Variants in CYFIP1 observed in about 807,000 individuals in gnomAD.
The protein encoded by CYFIP1 is cytoplasmic FMR1 interacting protein 1, also known as cytoplasmic FMR1-interacting protein 1.
A neutral mutation model predicts 163.5 loss-of-function variants in CYFIP1; 58 were observed. The observed-to-expected ratio is 0.35, with a 90% CI of 0.29 to 0.44. CYFIP1 has a LOEUF of 0.44. Among genes scored for constraint, CYFIP1 ranks in the 20% least tolerant of loss-of-function variants. CYFIP1 has a pLI of 1.00. For synonymous variants in CYFIP1, 663 were observed against 660.7 expected (o/e 1.00, Z -0.05); for missense variants, 1,338 against 1,653.8 (o/e 0.81, Z 3.31).
intron 22 of CYFIP1, among the ~76,000 whole-genome samples, chr15:22,902,561 C>G (rs1463034581): frequency 1.3e-5 from 2 of 152,134 alleles, no homozygotes; most frequent in Non-Finnish European, 2.9e-5. Flanking sequence ...GCAATTAATT[C>G]CAAGCATAAA....
At chr15:22,953,377 A>C (rs903131704) in intron 1 of CYFIP1, among the ~76,000 whole-genome samples, 3 of 152,182 alleles carry the variant, frequency 2.0e-5, no homozygotes, top group African/African-American at 7.2e-5. Context: ...AACTGCCACC[A>C]GCGGACCCTG....
At chr15:22,949,457 G>C (rs1331919618) in intron 1 of CYFIP1, among the ~76,000 whole-genome samples, 4 of 152,146 alleles carry the variant, frequency 2.6e-5, no homozygotes, top group African/African-American at 7.2e-5. Context: ...GACAGGAAGG[G>C]AGGTGGAAGG....
intron 26 of CYFIP1, among the ~76,000 whole-genome samples, chr15:22,878,436 G>A (rs548083754): frequency 3.9e-5 from 6 of 152,124 alleles, no homozygotes; most frequent in East Asian, 3.9e-4. Flanking sequence ...GGTCAGCAAC[G>A]GGAGGAGGAG....
Position 22,939,517 on chromosome 15 carries a change from C to G in CYFIP1, c.570-10G>C, listed in dbSNP as rs1353366441. ...TAAAAACTGAGCGGCCCTTTGAAAA[C>G]AAAAAGAATTCATCCCAAAATGCAC... On this transcript the variant is annotated splice_polypyrimidine_tract_variant and intron_variant, in intron 6 of 30. Transcript: ENST00000617928. The G allele has an allele frequency of 3.8e-6, 3 of 795,356 alleles. No homozygotes were observed. Among genetic ancestry groups the G allele is most frequent in the Non-Finnish European group, 5.1e-6 (3 of 583,908 alleles). The allele number at this position is 795,356 out of a possible 1,614,324, so 49.3% of individuals were successfully genotyped here. A position where few individuals can be genotyped will look rare whatever the true frequency, so the allele number is the denominator to read the frequency against.
chr15:22,953,071 C>A (rs556898953), intron 1 of CYFIP1, among the ~76,000 whole-genome samples: 1 of 152,370 alleles, frequency 6.6e-6, no homozygotes, highest in Non-Finnish European at 1.5e-5. Flanking sequence ...GGCCCGCTTC[C>A]AAGGGCTCTC....
At chr15:22,894,877 AT>A (rs1183343566) in intron 22 of CYFIP1, among the ~76,000 whole-genome samples, 3,323 of 138,190 alleles carry the variant, frequency 0.024, 103 homozygotes, top group African/African-American at 0.078. Context: ...ATATATATAT[AT>A]TTTTTTTTTT....
chr15:22,949,524 G>A (rs986554922), intron 1 of CYFIP1, among the ~76,000 whole-genome samples: 3 of 152,176 alleles, frequency 2.0e-5, no homozygotes, highest in African/African-American at 7.2e-5. Flanking sequence ...CGGCGAGGGC[G>A]CAGGACACAC....
intron 20 of CYFIP1, among the ~76,000 whole-genome samples, chr15:22,910,104 T>C (rs1188913803): frequency 6.6e-6 from 1 of 152,158 alleles, no homozygotes; most frequent in East Asian, 1.9e-4. Flanking sequence ...ACGTTCACAG[T>C]CACAAGGCAT....
chr15:22,941,895 A>G (rs2061904005), intron 6 of CYFIP1, among the ~76,000 whole-genome samples: 1 of 152,218 alleles, frequency 6.6e-6, no homozygotes, highest in Non-Finnish European at 1.5e-5. Context: ...GACAAAGCCA[A>G]AACGGCGGCT....
At chr15:22,979,925 C>G (rs2063415600) in intron 1 of CYFIP1, among the ~76,000 whole-genome samples, 1 of 152,190 alleles carries the variant, frequency 6.6e-6, no homozygotes, top group South Asian at 2.1e-4. Context: ...TCCTTCGCCA[C>G]TGGAGCTGTG....
chr15:22,877,878 C>T, intron 26 of CYFIP1, among the ~76,000 whole-genome samples: 1 of 152,252 alleles, frequency 6.6e-6, no homozygotes, highest in East Asian at 1.9e-4. Context: ...CCAGGCGTGT[C>T]ACGCCTGACC....
chr15:22,974,189 G>T (rs879907433), intron 1 of CYFIP1, among the ~76,000 whole-genome samples: 16 of 152,098 alleles, frequency 1.1e-4, no homozygotes, highest in Admixed American at 2.6e-4. Context: ...ATATCTAAAA[G>T]AAATGAAATC....
At position 22,917,922 on chromosome 15, in the gene CYFIP1, T is replaced by C. The variant is rs1264422366; in HGVS notation, c.1540A>G (p.Ile514Val). The C allele has an allele frequency of 1.2e-6, 2 of 1,613,508 alleles. No homozygotes were observed. Among genetic ancestry groups the C allele is most frequent in the East Asian group, 4.5e-5 (2 of 44,876 alleles). ...KNVIQSVLQA[I>V]RKTVCDWETG... ...TCCCAGTCACACACGGTCTTCCTGA[T>C]GGCCTGCAGGACACTGAACACCCCA... Residue 514 changes from isoleucine (I) to valine (V), a missense_variant, in exon 15 of 31, where the codon ATC becomes GTC. Ile to Val is a conservative substitution (Grantham distance 29). Transcript: ENST00000617928. The surrounding 1 kb of genome is among the most constrained non-coding windows in gnomAD (Gnocchi z 4.2).
chr15:22,879,850 T>C, intron 26 of CYFIP1, 63 bp downstream of exon 26: 1 of 1,124,142 alleles, frequency 8.9e-7, no homozygotes, highest in South Asian at 1.4e-5. Context: ...AGCCCTCCCC[T>C]GGCCGGTGGG....
rs182471163 is a variant in CYFIP1 at position 22,957,402 on chromosome 15, C to T, written c.-6-10111G>A. Among the ~76,000 whole-genome samples the T allele has an allele frequency of 5.7e-3, 862 of 152,124 alleles. 7 individuals carry two copies. The highest frequency in any genetic ancestry group is 0.021 in the South Asian group (99 of 4,816). On this transcript the variant is annotated intron_variant, in intron 1 of 30. Coordinates refer to ENST00000617928, the MANE Select transcript of CYFIP1 (RefSeq NM_014608.6). ...CTGTAATCCCAGCACTTTGGGAGGC[C>T]GAGGCAGGTGGATCACGAGGTCAGG... is the stretch of plus-strand genomic sequence containing the variant.
intron 5 of CYFIP1, among the ~76,000 whole-genome samples, chr15:22,944,351 A>C (rs1223898087): frequency 6.6e-6 from 1 of 152,142 alleles, no homozygotes; most frequent in Non-Finnish European, 1.5e-5. Context: ...CTCAGAGAAG[A>C]GAAGTGAACC....
At chr15:22,893,024 T>C (rs374054146) in intron 22 of CYFIP1, 47 bp from the exon 23 acceptor site, 2 of 1,422,020 alleles carry the variant, frequency 1.4e-6, no homozygotes, top group Non-Finnish European at 2.0e-6. Flanking sequence ...AATTTAACAA[T>C]AGTTCTTTAA....
chr15:22,892,374 T>C (rs1462294421), intron 23 of CYFIP1, among the ~76,000 whole-genome samples: 2 of 152,194 alleles, frequency 1.3e-5, no homozygotes, highest in African/African-American at 4.8e-5. Flanking sequence ...ATCTCACACA[T>C]GGTAGACCCG....
rs2060812100 is a variant in CYFIP1 at position 22,912,257 on chromosome 15, C to T, written c.2004G>A (p.Leu668=). Residue 668 remains leucine, a synonymous_variant, in exon 18 of 31, where the codon CTG becomes CTA. Coordinates refer to ENST00000617928, the MANE Select transcript of CYFIP1 (RefSeq NM_014608.6). The part of the protein sequence containing the change: ...ASMMEYVLYS[L]DLYNDSAHYA... ...AGTGGGCGCTGTCATTGTACAGGTC[C>T]AGGGAGTAGAGCACGTACCTGCAGA... 1.2e-6 allele frequency: 2 copies of T among 1,613,596 alleles called. No homozygotes were observed. Among genetic ancestry groups the T allele is most frequent in the African/African-American group, 2.7e-5 (2 of 75,026 alleles).
Sources: gnomAD v4.1 joint callset for allele counts (sites outside exome capture counted in the v4.1 genomes callset) on GRCh38, gnomAD v4.1.1 for gene constraint, Gnocchi (gnomAD v3.1) non-coding constraint, MANE v1.5 for transcripts, NCBI Gene and HGNC (gene_info 2026-07-23, HGNC 2026-07-21) for gene names.